Variants in COL6A6 observed in about 807,000 individuals in gnomAD.
COL6A6 encodes the protein collagen type VI alpha 6 chain.
A neutral mutation model predicts 208.6 loss-of-function variants in COL6A6; 183 were observed. That is an observed-to-expected ratio of 0.88 (90% confidence interval 0.78 to 0.99). The LOEUF (loss-of-function observed/expected upper bound fraction) is 0.99. Ranked by LOEUF, COL6A6 falls within the 50% of genes least tolerant of loss-of-function variation. The pLI is 0.00. For synonymous variants in COL6A6, 973 were observed against 1,011.8 expected (o/e 0.96, Z 0.73); for missense variants, 2,816 against 2,815.2 (o/e 1.00, Z -0.01).
intron 1 of COL6A6, among the ~76,000 whole-genome samples, chr3:130,521,215 G>C (rs1390806444): frequency 6.6e-6 from 1 of 152,164 alleles, no homozygotes; most frequent in Non-Finnish European, 1.5e-5. Context: ...ATTTGTGTTG[G>C]CTTGAAAAAC....
chr3:130,571,295 C>G lies in COL6A6; in HGVS notation c.2879C>G (p.Ala960Gly), dbSNP rs2107933795. The change falls in exon 7 of 37, where the codon GCA becomes GGA. Residue 960 changes from alanine (A) to glycine (G), a missense_variant. Coordinates refer to ENST00000358511, the MANE Select transcript of COL6A6 (RefSeq NM_001102608.3). ...GANPVELLAM[A>G]GSSDKYFFVE... ...AATCCCGTGGAGCTGTTAGCCATGG[C>G]AGGATCAAGCGACAAGTACTTCTTC... 1 of 1,613,976 alleles carries G rather than the reference C, an allele frequency of 6.2e-7. No homozygotes were observed. The highest frequency in any genetic ancestry group is 1.1e-5 in the South Asian group (1 of 91,072).
intron 36 of COL6A6, among the ~76,000 whole-genome samples, chr3:130,667,246 T>G (rs1182923492): frequency 6.6e-6 from 1 of 152,186 alleles, no homozygotes; most frequent in Non-Finnish European, 1.5e-5. Flanking sequence ...CAAATGTTTT[T>G]TTGTTTGTGA....
Position 130,581,548 on chromosome 3 carries a change from C to A in COL6A6, c.3548-13C>A. The A allele has an allele frequency of 6.4e-7, 1 of 1,563,342 alleles. No homozygotes were observed. The highest frequency in any genetic ancestry group is 8.7e-7 in the Non-Finnish European group (1 of 1,150,280). On this transcript the variant is annotated splice_polypyrimidine_tract_variant and intron_variant, in intron 8 of 36. Coordinates refer to ENST00000358511, the MANE Select transcript of COL6A6 (RefSeq NM_001102608.3). ...GTTGATTTATTAAGACATGCTTTTC[C>A]TTTGAATCCTAGACTGTTTCGTGGA...
At chr3:130,601,067 T>C (rs998017942) in intron 20 of COL6A6, among the ~76,000 whole-genome samples, 1 of 152,182 alleles carries the variant, frequency 6.6e-6, no homozygotes, top group Non-Finnish European at 1.5e-5. Context: ...TGATAAAATA[T>C]TCAATAAGAA....
In COL6A6 at chr3:130,649,415, C is replaced by T; in HGVS notation, c.5586C>T (p.His1862=). Residue 1862 remains histidine, a synonymous_variant, in exon 33 of 37, where the codon CAC becomes CAT. Transcript: ENST00000358511. ...NVFKRTLPGA[H]TRKIATFFSS... ...TCAAGCGGACGCTTCCGGGGGCACA[C>T]ACGAGAAAAATCGCCACATTTTTCA... The T allele has an allele frequency of 2.5e-6, 4 of 1,613,074 alleles. No individual in the cohort carries two copies. Among genetic ancestry groups the T allele is most frequent in the Non-Finnish European group, 3.4e-6 (4 of 1,179,584 alleles).
At chr3:130,615,007 G>A (rs2064475205) in intron 23 of COL6A6, among the ~76,000 whole-genome samples, 1 of 151,890 alleles carries the variant, frequency 6.6e-6, no homozygotes. Flanking sequence ...GTTTCCTTCA[G>A]TTCAGCTCTG....
At chr3:130,665,177 TTTCTTCC>T in intron 36 of COL6A6, 81 bp downstream of exon 36, 1 of 885,798 alleles carries the variant, frequency 1.1e-6, no homozygotes, top group Non-Finnish European at 1.7e-6. Context: ...TTTTCTTGCT[TTTCTTCC>T]TCCTCCATCT....
At chr3:130,607,261 T>G (rs770143955) in intron 21 of COL6A6, among the ~76,000 whole-genome samples, 16 of 152,206 alleles carry the variant, frequency 1.1e-4, no homozygotes, top group Non-Finnish European at 2.1e-4. Flanking sequence ...AGATGACCCT[T>G]CTTTTACATT....
rs534186994 is a variant in COL6A6, at chr3:130,556,846, G to GCTA, written c.-31-3485_-31-3483dup. ...GCGCTGAAGACATGCTCCCTCCCTT[G>GCTA]CTACTGCCAGCCCTTCCCACAGAGG... is the stretch of plus-strand genomic sequence containing the variant. On this transcript the variant is annotated intron_variant, in intron 1 of 36. Transcript: ENST00000358511. Among the ~76,000 whole-genome samples, 222 of 152,234 alleles carry GCTA rather than the reference G, an allele frequency of 1.5e-3. 1 individual carries two copies. Among genetic ancestry groups the GCTA allele is most frequent in the African/African-American group, 3.9e-3 (164 of 41,532 alleles).
intron 2 of COL6A6, among the ~76,000 whole-genome samples, chr3:130,561,778 G>A (rs374243168): frequency 0.011 from 1,672 of 149,990 alleles, 35 homozygotes; most frequent in African/African-American, 0.039. Context: ...TCAGCCTCCC[G>A]AGTAGCTGGG....
Position 130,573,998 on chromosome 3 carries a change from G to T in COL6A6, c.3020G>T (p.Gly1007Val). ...GTAGATCTTGTTTTCCTTATGGATG[G>T]TTCAACTAGCATTCAGCCAAATGAC... ...DKVDLVFLMD[G>V]STSIQPNDFK... The change falls in exon 8 of 37, where the codon GGT (glycine) becomes GTT (valine). Residue 1007 changes from glycine to valine, a missense_variant. Transcript: ENST00000358511. 6.2e-7 allele frequency: 1 copy of T among 1,613,574 alleles called. No individual in the cohort carries two copies. Among genetic ancestry groups the T allele is most frequent in the Non-Finnish European group, 8.5e-7 (1 of 1,179,608 alleles).
intron 1 of COL6A6, among the ~76,000 whole-genome samples, chr3:130,518,781 C>T (rs1271037523): frequency 2.0e-5 from 3 of 152,104 alleles, no homozygotes; most frequent in Non-Finnish European, 4.4e-5. Context: ...GCTGGGATTA[C>T]AGCAATTTCT....
chr3:130,639,922 A>G (rs1028108111), intron 28 of COL6A6, among the ~76,000 whole-genome samples: 1 of 152,116 alleles, frequency 6.6e-6, no homozygotes, highest in Non-Finnish European at 1.5e-5. Context: ...TAGGAGCCAT[A>G]TAGAAAAAGA....
At position 130,538,018 on chromosome 3, in the gene COL6A6, C is replaced by G. The variant is rs141558318; in HGVS notation, c.-32+20621C>G. On this transcript the variant is annotated intron_variant, in intron 1 of 36. Transcript: ENST00000358511. ...TGAAAGATAATTACACACAGATTATCTGGTACATTCTAACACATTAGATAA... is the reference window on the plus strand; with the variant it reads ...TGAAAGATAATTACACACAGATTATGTGGTACATTCTAACACATTAGATAA... Among the ~76,000 whole-genome samples the G allele has an allele frequency of 9.3e-3, 1,415 of 152,320 alleles. 25 individuals are homozygous for G. The highest frequency in any genetic ancestry group is 0.031 in the African/African-American group (1,284 of 41,562).
At position 130,570,912 on chromosome 3, in the gene COL6A6, G is replaced by A; in HGVS notation, c.2496G>A (p.Met832Ile). 6.2e-7 allele frequency: 1 copy of A among 1,613,984 alleles called. No individual in the cohort carries two copies. Among genetic ancestry groups the A allele is most frequent in the Non-Finnish European group, 8.5e-7 (1 of 1,179,866 alleles). Residue 832 changes from methionine (M) to isoleucine (I), a missense_variant, in exon 7 of 37, where the codon ATG becomes ATA. Met to Ile is a conservative substitution (Grantham distance 10). Transcript: ENST00000358511. ...AGTATAATATCATGAAGGATTTTATGATTGGCTTAGTGAAAAAAGCTGATG... is the reference window on the plus strand; with the variant it reads ...AGTATAATATCATGAAGGATTTTATAATTGGCTTAGTGAAAAAAGCTGATG... ...YDEYNIMKDF[M>I]IGLVKKADVG...
intron 33 of COL6A6, among the ~76,000 whole-genome samples, chr3:130,653,876 A>G (rs1034017991): frequency 6.6e-6 from 1 of 152,198 alleles, no homozygotes; most frequent in Non-Finnish European, 1.5e-5. Context: ...GACTCTCCCC[A>G]TAAAACAACT....
intron 10 of COL6A6, 46 bp from the exon 11 acceptor site, chr3:130,586,456 AAAGT>A (rs752064927): frequency 4.6e-6 from 7 of 1,535,762 alleles, no homozygotes; most frequent in Non-Finnish European, 3.5e-6. Context: ...GCAAAAAACT[AAAGT>A]AACCAAACCC....
intron 1 of COL6A6, among the ~76,000 whole-genome samples, chr3:130,533,926 C>T (rs2062165146): frequency 2.6e-5 from 4 of 152,314 alleles, no homozygotes; most frequent in East Asian, 3.9e-4. Context: ...AATATTCCCA[C>T]GTATGTGTGT....
At chr3:130,602,417 G>A (rs527708946) in intron 20 of COL6A6, among the ~76,000 whole-genome samples, 4 of 152,288 alleles carry the variant, frequency 2.6e-5, no homozygotes, top group Admixed American at 1.3e-4. Context: ...TAATCAGGAC[G>A]TAAAGCTGCA....
Sources: allele counts gnomAD v4.1 joint callset (sites outside exome capture counted in the v4.1 genomes callset), GRCh38; gene constraint gnomAD v4.1.1; transcripts MANE v1.5; gene names NCBI Gene and HGNC (gene_info 2026-07-23, HGNC 2026-07-21).